THRB: variants seen among roughly 807,000 people sequenced by gnomAD.
THRB encodes the protein thyroid hormone receptor beta.
THRB carries 12 observed loss-of-function variants against 47.8 expected under a neutral mutation model. The ratio of observed to expected loss-of-function variants is 0.25; its 90% CI spans 0.16 to 0.41. The LOEUF (loss-of-function observed/expected upper bound fraction) is 0.41, where lower values mean the gene tolerates loss of function less well. THRB is among the 10% of genes least tolerant of loss of function. The pLI is 1.00. For missense variants in THRB, 348 were observed against 589.2 expected (o/e 0.59, Z 4.24); for synonymous variants, 218 against 212.2 (o/e 1.03, Z -0.24).
chr3:24,227,211 C>A (rs757230280), intron 4 of THRB, among the ~76,000 whole-genome samples: 1 of 152,186 alleles, frequency 6.6e-6, no homozygotes, highest in Non-Finnish European at 1.5e-5. Flanking sequence ...CCTCCTTTAT[C>A]AGAAAGGAAT....
At chr3:24,343,016 A>T (rs1414874365) in intron 1 of THRB, among the ~76,000 whole-genome samples, 1 of 152,120 alleles carries the variant, frequency 6.6e-6, no homozygotes, top group Non-Finnish European at 1.5e-5. Flanking sequence ...AGCAGATTGG[A>T]CTTTTGTTCT....
chr3:24,152,568 GC>G, intron 5 of THRB, 78 bp from the exon 6 acceptor site: 1 of 817,678 alleles, frequency 1.2e-6, no homozygotes, highest in Non-Finnish European at 2.1e-6. Flanking sequence ...AGGTTGCTAG[GC>G]CAGAGACAAA....
At chr3:24,266,038 A>G (rs759888275) in intron 3 of THRB, among the ~76,000 whole-genome samples, 1 of 152,204 alleles carries the variant, frequency 6.6e-6, no homozygotes, top group Non-Finnish European at 1.5e-5. Flanking sequence ...ATGAAATTAA[A>G]TATCTGGCAT....
rs538083195 is a variant in THRB, at chr3:24,190,598, C to G, written c.23-264G>C. Among the ~76,000 whole-genome samples, 8 of 152,236 alleles carry G rather than the reference C, an allele frequency of 5.3e-5. No individual in the cohort carries two copies. In the South Asian group the frequency reaches 8.3e-4, roughly 16 times the overall value. On this transcript the variant is annotated intron_variant, in intron 4 of 10. Coordinates refer to ENST00000646209, the MANE Select transcript of THRB (RefSeq NM_001354712.2). ...TTAGTTCCTGCATGGCAAGGCTGTA[C>G]TTTCGCCAGTCCCACTTCCACAGCA...
intron 9 of THRB, among the ~76,000 whole-genome samples, chr3:24,128,647 C>G (rs1361883611): frequency 1.3e-5 from 2 of 151,892 alleles, no homozygotes; most frequent in East Asian, 1.9e-4. Context: ...GGCATCATGC[C>G]CAGATTTCCA....
intron 1 of THRB, among the ~76,000 whole-genome samples, chr3:24,476,120 G>T (rs1434541175): frequency 6.6e-6 from 1 of 152,196 alleles, no homozygotes; most frequent in African/African-American, 2.4e-5. Flanking sequence ...AAGATCGAAA[G>T]TACTTCCCTG....
At chr3:24,233,569 A>AAG (rs377641913) in intron 3 of THRB, among the ~76,000 whole-genome samples, 2,942 of 71,878 alleles carry the variant, frequency 0.041, 72 homozygotes, top group Middle Eastern at 0.082. Flanking sequence ...GGAAGAAAGA[A>AAG]AGAAAGAAAG....
intron 2 of THRB, among the ~76,000 whole-genome samples, chr3:24,332,225 T>C (rs538989864): frequency 2.0e-5 from 3 of 152,302 alleles, no homozygotes; most frequent in East Asian, 3.9e-4. Flanking sequence ...CTAGAATTTA[T>C]ACATGAAGGC....
rs532263070 is a variant in THRB, at chr3:24,366,432, G to T, written c.-260-29061C>A. 3.3e-5 allele frequency among the ~76,000 whole-genome samples: 5 copies of T among 152,204 alleles called. No individual in the cohort carries two copies. The East Asian group carries it at 9.7e-4, about 29-fold the overall frequency. ...GCGATGGCGGGAGTGAGGGACCAAG[G>T]CCTAACGGCTGCTGATTGCTCTCTT... is the stretch of plus-strand genomic sequence containing the variant. On this transcript the variant is annotated intron_variant, in intron 1 of 10. Coordinates refer to ENST00000646209, the MANE Select transcript of THRB (RefSeq NM_001354712.2).
At chr3:24,408,386 A>T (rs2068000023) in intron 1 of THRB, among the ~76,000 whole-genome samples, 2 of 151,866 alleles carry the variant, frequency 1.3e-5, no homozygotes, top group Non-Finnish European at 2.9e-5. Flanking sequence ...CTGCATCAGA[A>T]TGAATGAAAC....
At chr3:24,468,459 T>C (rs1173291831) in intron 1 of THRB, among the ~76,000 whole-genome samples, 1 of 152,216 alleles carries the variant, frequency 6.6e-6, no homozygotes, top group Non-Finnish European at 1.5e-5. Context: ...GTGTAATCAT[T>C]TCCAGCTTTT....
chr3:24,133,535 G>T, intron 8 of THRB, 73 bp from the exon 9 acceptor site: 2 of 1,393,892 alleles, frequency 1.4e-6, no homozygotes, highest in Non-Finnish European at 2.0e-6. Context: ...TTCTTATGTG[G>T]CAGAAAATCT....
intron 5 of THRB, among the ~76,000 whole-genome samples, chr3:24,180,640 G>GCA (rs1559527347): frequency 6.6e-6 from 1 of 152,208 alleles, no homozygotes; most frequent in African/African-American, 2.4e-5. Flanking sequence ...CCCGGGCAGT[G>GCA]TGGATAGAGG....
At chr3:24,152,118 A>C (rs561285791) in intron 6 of THRB, among the ~76,000 whole-genome samples, 1 of 152,302 alleles carries the variant, frequency 6.6e-6, no homozygotes, top group South Asian at 2.1e-4. Context: ...ATTTCTTTTT[A>C]TTTTATTGAT....
At chr3:24,451,197 A>G (rs1279753308) in intron 1 of THRB, among the ~76,000 whole-genome samples, 1 of 151,568 alleles carries the variant, frequency 6.6e-6, no homozygotes, top group African/African-American at 2.4e-5. Flanking sequence ...TTTTCCTGGG[A>G]AACAGCTGAA....
intron 1 of THRB, among the ~76,000 whole-genome samples, chr3:24,388,684 A>T (rs2066322007): frequency 6.6e-6 from 1 of 152,176 alleles, no homozygotes; most frequent in Non-Finnish European, 1.5e-5. Context: ...ACTGTGTGAC[A>T]GTCCCTACTG....
chr3:24,264,966 T>C (rs534256640), intron 3 of THRB, among the ~76,000 whole-genome samples: 1 of 152,294 alleles, frequency 6.6e-6, no homozygotes, highest in East Asian at 1.9e-4. Flanking sequence ...TAAGATACTT[T>C]TGAGTGATAA....
At chr3:24,476,475 T>A (rs1333418401) in intron 1 of THRB, among the ~76,000 whole-genome samples, 1 of 152,180 alleles carries the variant, frequency 6.6e-6, no homozygotes, top group Non-Finnish European at 1.5e-5. Context: ...AACAAAAAAA[T>A]TAAAATGAAA....
intron 5 of THRB, among the ~76,000 whole-genome samples, chr3:24,164,442 A>G (rs1473880105): frequency 2.6e-5 from 4 of 152,204 alleles, no homozygotes; most frequent in Non-Finnish European, 5.9e-5. Context: ...TGAGTTTTAC[A>G]TCTTACAGTT....
Sources: gnomAD v4.1 joint callset for allele counts (sites outside exome capture counted in the v4.1 genomes callset) on GRCh38, gnomAD v4.1.1 for gene constraint, MANE v1.5 for transcripts, NCBI Gene and HGNC (gene_info 2026-07-23, HGNC 2026-07-21) for gene names.